The following COL12A1 variants were observed in gnomAD, a reference collection of about 807,000 sequenced individuals.
The protein encoded by COL12A1 is collagen alpha-1(XII) chain.
In COL12A1, 114 loss-of-function variants were observed where a neutral mutation model predicts 349.7. The observed-to-expected ratio is 0.33, with a 90% CI of 0.28 to 0.38. The LOEUF is 0.38. Among genes scored for constraint, COL12A1 ranks in the 10% least tolerant of loss-of-function variants. COL12A1 has a pLI of 1.00. For missense variants in COL12A1, 3,284 were observed against 3,756.9 expected (o/e 0.87, Z 3.29); for synonymous variants, 1,369 against 1,329.0 (o/e 1.03, Z -0.66).
intron 44 of COL12A1, among the ~76,000 whole-genome samples, chr6:75,120,992 T>G (rs1397200799): frequency 6.6e-6 from 1 of 152,142 alleles, no homozygotes; most frequent in Non-Finnish European, 1.5e-5. Context: ...ATCCAGAACT[T>G]TGGATGAACT....
At chr6:75,158,944 A>G (rs1359597873) in intron 14 of COL12A1, among the ~76,000 whole-genome samples, 1 of 152,056 alleles carries the variant, frequency 6.6e-6, no homozygotes. Context: ...GGGTGTAATA[A>G]ATAAAGTATT....
chr6:75,131,825 T>G, intron 35 of COL12A1, 115 bp downstream of exon 35: 1 of 1,121,552 alleles, frequency 8.9e-7, no homozygotes, highest in Non-Finnish European at 1.2e-6. Context: ...AAACAATAAT[T>G]TAAGTATTAT....
At chr6:75,162,759 A>C (rs1189501504) in intron 14 of COL12A1, among the ~76,000 whole-genome samples, 1 of 152,056 alleles carries the variant, frequency 6.6e-6, no homozygotes, top group Non-Finnish European at 1.5e-5. Context: ...TGCAATCTAT[A>C]CATCTGACAA....
At chr6:75,149,261 A>G (rs989657385) in intron 21 of COL12A1, among the ~76,000 whole-genome samples, 13 of 152,266 alleles carry the variant, frequency 8.5e-5, no homozygotes, top group Admixed American at 4.6e-4. Flanking sequence ...CATTGTCCCT[A>G]TCACTATTGG....
chr6:75,096,482 C>T (rs941306759), intron 59 of COL12A1, among the ~76,000 whole-genome samples: 1 of 152,122 alleles, frequency 6.6e-6, no homozygotes, highest in Non-Finnish European at 1.5e-5. Context: ...CAGTATTTTC[C>T]CAATATCTTA....
At chr6:75,091,973 A>G (rs1562094780) in intron 60 of COL12A1, among the ~76,000 whole-genome samples, 1 of 152,222 alleles carries the variant, frequency 6.6e-6, no homozygotes, top group Non-Finnish European at 1.5e-5. Context: ...AAGAACCAGC[A>G]GGCTGTTGTC....
Position 75,189,401 on chromosome 6 carries a change from G to A in COL12A1, c.659-20C>T. ...CATCCCCTAAAGGGAAAAGAAACAT[G>A]TTCATTTACTCTGTACTACACAATT... On this transcript the variant is annotated intron_variant, in intron 6 of 65. Coordinates refer to ENST00000322507, the MANE Select transcript of COL12A1 (RefSeq NM_004370.6). 1.9e-6 allele frequency: 3 copies of A among 1,609,696 alleles called. No homozygotes were observed. The highest frequency in any genetic ancestry group is 1.1e-5 in the South Asian group (1 of 90,482).
At chr6:75,104,982 T>C (rs1364614413) in intron 54 of COL12A1, among the ~76,000 whole-genome samples, 3 of 152,230 alleles carry the variant, frequency 2.0e-5, no homozygotes, top group Non-Finnish European at 4.4e-5. Flanking sequence ...ATTATCATTC[T>C]TGCACGGCTG....
At chr6:75,187,107 C>T (rs890201744) in intron 8 of COL12A1, among the ~76,000 whole-genome samples, 2 of 150,604 alleles carry the variant, frequency 1.3e-5, no homozygotes, top group Non-Finnish European at 3.0e-5. Context: ...TGTACATGTA[C>T]CCCTGAACTT....
At chr6:75,168,376 C>CA (rs1464336413) in intron 13 of COL12A1, among the ~76,000 whole-genome samples, 1 of 151,976 alleles carries the variant, frequency 6.6e-6, no homozygotes, top group Non-Finnish European at 1.5e-5. Flanking sequence ...ATTAGATTAC[C>CA]AAAAAATGAA....
At chr6:75,100,081 G>A (rs528435355) in intron 58 of COL12A1, among the ~76,000 whole-genome samples, 1 of 152,360 alleles carries the variant, frequency 6.6e-6, no homozygotes, top group East Asian at 1.9e-4. Context: ...GGCTGTGAAG[G>A]AAAAGGGAGA....
Position 75,140,016 on chromosome 6 carries a change from C to T in COL12A1, c.4958-1055G>A, listed in dbSNP as rs1349406397. 1.3e-5 allele frequency among the ~76,000 whole-genome samples: 2 copies of T among 152,098 alleles called. 1 individual carries two copies. Among genetic ancestry groups the T allele is most frequent in the African/African-American group, 4.8e-5 (2 of 41,388 alleles). On this transcript the variant is annotated intron_variant, in intron 27 of 65. Coordinates refer to ENST00000322507, the MANE Select transcript of COL12A1 (RefSeq NM_004370.6). ...ATAAAGAGAGTGGTACTATTTCCAC[C>T]AGCAAAACTGCAAAACAAAGCAGCA...
At chr6:75,127,126 T>C (rs1766060219) in intron 38 of COL12A1, among the ~76,000 whole-genome samples, 1 of 152,120 alleles carries the variant, frequency 6.6e-6, no homozygotes, top group Admixed American at 6.6e-5. Flanking sequence ...ACTTTGGCCC[T>C]TCCTGGAAAA....
rs112617994 is a variant in COL12A1 at position 75,111,351 on chromosome 6, C to T, written c.7950+1853G>A. Among the ~76,000 whole-genome samples the T allele has an allele frequency of 2.3e-3, 346 of 151,796 alleles. 4 individuals are homozygous for T. The highest frequency in any genetic ancestry group is 3.4e-3 in the Middle Eastern group (1 of 294). ...TATATAAAACCCAAGAATGCAAATG[C>T]CTTTCTGGGGAGGCAAATGGTATAA... On this transcript the variant is annotated intron_variant, in intron 51 of 65. Transcript: ENST00000322507.
At chr6:75,088,890 AC>A (rs1767626448) in intron 64 of COL12A1, among the ~76,000 whole-genome samples, 1 of 151,786 alleles carries the variant, frequency 6.6e-6, no homozygotes, top group Non-Finnish European at 1.5e-5. Flanking sequence ...AGTCCCAGCT[AC>A]TCGGGAGGCT....
chr6:75,192,323 T>C lies in COL12A1; in HGVS notation c.223A>G (p.Ser75Gly), dbSNP rs1769974714. The C allele has an allele frequency of 6.2e-7, 1 of 1,611,672 alleles. No homozygotes were observed. The highest frequency in any genetic ancestry group is 8.5e-7 in the Non-Finnish European group (1 of 1,178,522). Residue 75 changes from serine (S) to glycine (G), a missense_variant, in exon 4 of 66, where the codon AGT (serine) becomes GGT (glycine). Ser to Gly is a moderately conservative substitution (Grantham distance 56, BLOSUM62 0). This residue lies in a region of COL12A1 where 2,601 missense variants were observed against 2,824.8 expected (regional missense o/e 0.92). Transcript: ENST00000322507. ...TCTGACAATAAAGTTTCAGTGGTACTAGCTGAAAGGGTAAATTCTTTAGTA... is the reference window on the plus strand; with the variant it reads ...TCTGACAATAAAGTTTCAGTGGTACCAGCTGAAAGGGTAAATTCTTTAGTA... The part of the protein sequence containing the change: ...GPTKEFTLSA[S>G]TTETLLSELV...
chr6:75,092,364 T>TA (rs1299566078), intron 60 of COL12A1, among the ~76,000 whole-genome samples: 1 of 151,818 alleles, frequency 6.6e-6, no homozygotes, highest in Non-Finnish European at 1.5e-5. Flanking sequence ...ATTCTACAAT[T>TA]AAAAAAAAGA....
Position 75,124,086 on chromosome 6 carries a change from C to T in COL12A1, c.6733G>A (p.Gly2245Arg), listed in dbSNP as rs2149373796. ...GATCCACGCACTGTAATTTCTTGTC[C>T]CCTTGTTCCTGATTATGACAACAAA... ...LKLSPADGTR[G>R]QEITVRGSET... Residue 2245 changes from glycine (G) to arginine (R), a missense_variant, in exon 42 of 66, where the codon GGA (glycine) becomes AGA (arginine). Gly to Arg is a moderately radical substitution (Grantham distance 125). Around this residue, in one of 2 missense-constraint regions of COL12A1, gnomAD observed 2,601 missense variants for 2,824.8 expected, o/e 0.92. Transcript: ENST00000322507. The T allele has an allele frequency of 6.2e-7, 1 of 1,612,614 alleles. No homozygotes were observed. Among genetic ancestry groups the T allele is most frequent in the Non-Finnish European group, 8.5e-7 (1 of 1,178,988 alleles).
intron 27 of COL12A1, among the ~76,000 whole-genome samples, chr6:75,139,556 AAAC>A (rs1366668121): frequency 6.6e-6 from 1 of 152,228 alleles, no homozygotes; most frequent in Non-Finnish European, 1.5e-5. Flanking sequence ...GCCTAGCTGT[AAAC>A]AACACTAAAA....
Sources: gnomAD v4.1 joint callset for allele counts (sites outside exome capture counted in the v4.1 genomes callset) on GRCh38, gnomAD v4.1.1 for gene constraint, gnomAD v4.1.1 regional missense constraint, MANE v1.5 for transcripts, NCBI Gene and HGNC (gene_info 2026-07-23, HGNC 2026-07-21) for gene names.